Variants in PHAX observed in about 807,000 individuals in gnomAD.
The protein encoded by PHAX is phosphorylated adaptor for RNA export.
Under a neutral mutation model 41.6 loss-of-function variants are expected in PHAX, and 31 were observed. That is an observed-to-expected ratio of 0.75 (90% CI 0.56 to 1.01). The LOEUF is 1.01. Ranked by LOEUF, PHAX falls within the 50% of genes least tolerant of loss-of-function variation. PHAX has a pLI of 0.00. For synonymous variants in PHAX, 175 were observed against 164.9 expected, an observed-to-expected ratio of 1.06 and a Z score of -0.47; for missense variants, 453 against 472.9, an observed-to-expected ratio of 0.96 and a Z score of 0.39.
chr5:126,621,284 G>T (rs1422733783), intron 4 of PHAX, among the ~76,000 whole-genome samples: 2 of 151,996 alleles, frequency 1.3e-5, no homozygotes, highest in Non-Finnish European at 2.9e-5. Flanking sequence ...AAACTCCAGG[G>T]CTCAAGTGAC....
intron 1 of PHAX, among the ~76,000 whole-genome samples, chr5:126,601,632 C>A (rs186094773): frequency 6.6e-6 from 1 of 152,138 alleles, no homozygotes; most frequent in South Asian, 2.1e-4. Context: ...CTTTGTCATG[C>A]GGTACCATGG....
At chr5:126,622,442 A>ATTTTT (rs56297404) in intron 4 of PHAX, among the ~76,000 whole-genome samples, 4 of 56,068 alleles carry the variant, frequency 7.1e-5, no homozygotes, top group Non-Finnish European at 9.8e-5. Flanking sequence ...TAATTTTTGT[A>ATTTTT]TTTTTTTTTT....
In PHAX at chr5:126,604,135, T is replaced by A; in HGVS notation, c.662T>A (p.Ile221Asn). The A allele has an allele frequency of 6.3e-7, 1 of 1,575,408 alleles. No individual in the cohort carries two copies. Residue 221 changes from isoleucine to asparagine, a missense_variant, in exon 2 of 5, where the codon ATC becomes AAC. Transcript: ENST00000297540. ...ATGAACTATAAAGGTCGATACGAGA[T>A]CACAGCGGAAGATTCTCAAGAGAAA... ...PEMNYKGRYEITAEDSQEKVA... is the reference protein window; with the variant it reads ...PEMNYKGRYENTAEDSQEKVA...
At position 126,603,973 on chromosome 5, in the gene PHAX, A is replaced by T; in HGVS notation, c.500A>T (p.His167Leu). The T allele has an allele frequency of 6.2e-7, 1 of 1,614,142 alleles. No individual in the cohort carries two copies. Among genetic ancestry groups the T allele is most frequent in the South Asian group, 1.1e-5 (1 of 91,078 alleles). The change falls in exon 2 of 5, where the codon CAT (histidine) becomes CTT (leucine). Residue 167 changes from histidine (H) to leucine (L), a missense_variant. Coordinates refer to ENST00000297540, the MANE Select transcript of PHAX (RefSeq NM_032177.4). ...AKKLRKESQE[H>L]TKDLDKELDE... ...AAACTTAGGAAGGAATCTCAAGAGC[A>T]TACAAAAGATCTAGACAAGGAACTA...
rs760892024 is a variant in PHAX at position 126,604,079 on chromosome 5, T to C, written c.606T>C (p.Pro202=). Reference sequence around the variant, plus strand: ...AAGGTCATCTCAAAAGGAAACGACCTGTCAAAGACAGGCTAGGGAACAGAC... The same window carrying C: ...AAGGTCATCTCAAAAGGAAACGACCCGTCAAAGACAGGCTAGGGAACAGAC... ...NGQGHLKRKR[P]VKDRLGNRPE... is the part of the protein sequence containing the mutation. The change falls in exon 2 of 5, where the codon CCT becomes CCC. Residue 202 remains proline, a synonymous_variant. Transcript: ENST00000297540. The C allele has an allele frequency of 5.0e-6, 8 of 1,613,578 alleles. No individual in the cohort carries two copies. The African/African-American group carries it at 9.4e-5, about 19-fold the overall frequency.
chr5:126,624,291 G>C (rs1233121307), intron 4 of PHAX, among the ~76,000 whole-genome samples: 1 of 152,222 alleles, frequency 6.6e-6, no homozygotes, highest in South Asian at 2.1e-4. Flanking sequence ...TTACAGGCAT[G>C]AGTCACCATG....
chr5:126,615,178 TG>T (rs1407434992), intron 3 of PHAX, among the ~76,000 whole-genome samples: 1 of 152,202 alleles, frequency 6.6e-6, no homozygotes, highest in African/African-American at 2.4e-5. Context: ...CATTCTTTTT[TG>T]CAGTTGCTAG....
At chr5:126,621,489 A>G (rs1752271570) in intron 4 of PHAX, among the ~76,000 whole-genome samples, 1 of 152,290 alleles carries the variant, frequency 6.6e-6, no homozygotes, top group South Asian at 2.1e-4. Context: ...TGCCTGACCA[A>G]TAAAATTTTA....
At chr5:126,622,442 ATTTTT>A (rs56297404) in intron 4 of PHAX, among the ~76,000 whole-genome samples, 1,997 of 56,070 alleles carry the variant, frequency 0.036, 60 homozygotes, top group African/African-American at 0.1. Flanking sequence ...TAATTTTTGT[ATTTTT>A]TTTTTTTTTT....
intron 4 of PHAX, among the ~76,000 whole-genome samples, chr5:126,621,221 T>G (rs1237710388): frequency 6.6e-6 from 1 of 151,936 alleles, no homozygotes; most frequent in Non-Finnish European, 1.5e-5. Context: ...GTAGGTCTCC[T>G]GCTATCACTC....
intron 4 of PHAX, among the ~76,000 whole-genome samples, chr5:126,620,180 G>C (rs1752247697): frequency 6.6e-6 from 1 of 152,124 alleles, no homozygotes; most frequent in Non-Finnish European, 1.5e-5. Flanking sequence ...AAAATCTCTA[G>C]TAACTACTTT....
At chr5:126,619,678 GTCTCCAGTATTATAAAC>G (rs1009794371) in intron 4 of PHAX, among the ~76,000 whole-genome samples, 2 of 151,314 alleles carry the variant, frequency 1.3e-5, no homozygotes, top group African/African-American at 4.9e-5. Context: ...TCATTCTTCT[GTCTCCAGTATTATAAAC>G]TAGAAGGTGT....
chr5:126,603,262 A>T (rs921944413), intron 1 of PHAX, among the ~76,000 whole-genome samples: 20 of 152,134 alleles, frequency 1.3e-4, no homozygotes, highest in African/African-American at 4.6e-4. Context: ...TATGTATGTC[A>T]TTTTAAAACA....
chr5:126,604,895 G>A (rs961596710), intron 2 of PHAX, among the ~76,000 whole-genome samples: 6 of 152,158 alleles, frequency 3.9e-5, no homozygotes, highest in Admixed American at 2.0e-4. Flanking sequence ...TTAGCTGGGC[G>A]TGGTAGTGGG....
chr5:126,602,963 C>T, intron 1 of PHAX, among the ~76,000 whole-genome samples: 1 of 151,058 alleles, frequency 6.6e-6, no homozygotes, highest in Non-Finnish European at 1.5e-5. Flanking sequence ...CGAGATCGCG[C>T]CACTGCACTC....
At chr5:126,603,130 T>G (rs1357929771) in intron 1 of PHAX, among the ~76,000 whole-genome samples, 1 of 149,574 alleles carries the variant, frequency 6.7e-6, no homozygotes, top group Non-Finnish European at 1.5e-5. Flanking sequence ...TCCCAGTCCC[T>G]CAGGAGGCTG....
chr5:126,604,203 A>G lies in PHAX; in HGVS notation c.710+20A>G. ...ATTCAGGTGAGCATTTGAATTACAA[A>G]TAAGTACTTGACCAGATGGCTTCTA... is the stretch of plus-strand genomic sequence containing the variant. On this transcript the variant is annotated intron_variant, in intron 2 of 4. Coordinates refer to ENST00000297540, the MANE Select transcript of PHAX (RefSeq NM_032177.4). The G allele has an allele frequency of 2.0e-6, 3 of 1,515,184 alleles. No individual in the cohort carries two copies. The allele number at this position is 1,515,184 out of a possible 1,614,324, so 93.9% of individuals were successfully genotyped here. A position where few individuals can be genotyped will look rare whatever the true frequency, so the allele number is the denominator to read the frequency against.
chr5:126,619,378 G>T (rs1272047005), intron 4 of PHAX, among the ~76,000 whole-genome samples: 2 of 152,058 alleles, frequency 1.3e-5, no homozygotes, highest in East Asian at 3.9e-4. Context: ...AGGAGTTCAA[G>T]AGCAGCCTGG....
At position 126,608,496 on chromosome 5, in the gene PHAX, T is replaced by G; in HGVS notation, c.831+12T>G. On this transcript the variant is annotated intron_variant, in intron 3 of 4. Coordinates refer to ENST00000297540, the MANE Select transcript of PHAX (RefSeq NM_032177.4). ...GTCTCTTTATAATGGTAAGACTGCTTAACTGTTTTTGTTTTTGTATTGTTT... is the reference window on the plus strand; with the variant it reads ...GTCTCTTTATAATGGTAAGACTGCTGAACTGTTTTTGTTTTTGTATTGTTT... 6.2e-7 allele frequency: 1 copy of G among 1,602,076 alleles called. No individual in the cohort carries two copies. Among genetic ancestry groups the G allele is most frequent in the Non-Finnish European group, 8.5e-7 (1 of 1,174,560 alleles).
Sources: allele counts gnomAD v4.1 joint callset (sites outside exome capture counted in the v4.1 genomes callset), GRCh38; gene constraint gnomAD v4.1.1; transcripts MANE v1.5; gene names NCBI Gene and HGNC (gene_info 2026-07-23, HGNC 2026-07-21).